HDLBP: variants seen among roughly 807,000 people sequenced by gnomAD.
HDLBP encodes the protein high density lipoprotein binding protein.
Under a neutral mutation model 137.3 loss-of-function variants are expected in HDLBP, and 30 were observed. That is an observed-to-expected ratio of 0.22 (90% CI 0.16 to 0.30). The LOEUF is 0.30. Among genes scored for constraint, HDLBP ranks in the 10% least tolerant of loss-of-function variants. HDLBP has a pLI of 1.00. For missense variants in HDLBP, 1,119 were observed against 1,667.3 expected (o/e 0.67, Z 5.73); for synonymous variants, 606 against 596.0 (o/e 1.02, Z -0.24).
chr2:241,306,299 T>C (rs2075572418), intron 1 of HDLBP, among the ~76,000 whole-genome samples: 1 of 151,732 alleles, frequency 6.6e-6, no homozygotes, highest in Admixed American at 6.6e-5. Context: ...CTTGTTCTTG[T>C]TGCCCTGGCT....
intron 1 of HDLBP, among the ~76,000 whole-genome samples, chr2:241,289,013 G>C (rs898137495): frequency 1.3e-5 from 2 of 152,182 alleles, no homozygotes; most frequent in Non-Finnish European, 2.9e-5. Flanking sequence ...AATTAGCTTA[G>C]CTCATGTTTA....
In HDLBP at chr2:241,238,808, A is replaced by T. The variant is rs747547197; in HGVS notation, c.2611-21T>A. 6.8e-7 allele frequency: 1 copy of T among 1,468,890 alleles called. No homozygotes were observed. The highest frequency in any genetic ancestry group is 2.2e-5 in the Admixed American group (1 of 44,456). 91.0% of individuals were successfully genotyped at this position (1,468,890 alleles called of 1,614,324 possible). A position where few individuals can be genotyped will look rare whatever the true frequency, so the allele number is the denominator to read the frequency against. On this transcript the variant is annotated intron_variant, in intron 19 of 27. Coordinates refer to ENST00000310931, the MANE Select transcript of HDLBP (RefSeq NM_005336.6). This position sits in a 1 kb window ranked among gnomAD's most constrained non-coding sequence, Gnocchi z 4.9. Reference sequence around the variant, plus strand: ...GCTTCCTGGAGGGAGGTACACAAAGAAAAAAGAAAAGAGCAAAGATTAAAT... The same window carrying T: ...GCTTCCTGGAGGGAGGTACACAAAGTAAAAAGAAAAGAGCAAAGATTAAAT...
chr2:241,229,343 TG>T lies in HDLBP; in HGVS notation c.*257del, dbSNP rs1264998110. On this transcript the variant is annotated 3_prime_UTR_variant, in exon 28 of 28. Coordinates refer to ENST00000310931, the MANE Select transcript of HDLBP (RefSeq NM_005336.6). ...CTGACATGCCGGGTGGACCAGGAGC[TG>T]GAGTCTGTTATCTTAGCACGAATGC... The T allele has an allele frequency of 5.0e-6, 2 of 400,468 alleles. No homozygotes were observed. Among genetic ancestry groups the T allele is most frequent in the Non-Finnish European group, 9.3e-6 (2 of 215,538 alleles). 24.8% of individuals were successfully genotyped at this position (400,468 alleles called of 1,614,324 possible). A position where few individuals can be genotyped will look rare whatever the true frequency, so the allele number is the denominator to read the frequency against.
chr2:241,313,917 T>C (rs1409237183), intron 1 of HDLBP, among the ~76,000 whole-genome samples: 1 of 152,192 alleles, frequency 6.6e-6, no homozygotes, highest in Admixed American at 6.5e-5. Flanking sequence ...TGACGTTAAT[T>C]TGACTCCTGA....
In HDLBP at chr2:241,230,838, A is replaced by T; in HGVS notation, c.3395T>A (p.Val1132Asp). 1 of 1,614,186 alleles carries T rather than the reference A, an allele frequency of 6.2e-7. No homozygotes were observed. The highest frequency in any genetic ancestry group is 8.5e-7 in the Non-Finnish European group (1 of 1,180,028). The stretch of plus-strand genomic sequence containing the variant: ...GGCGTGAACGCGGTGGTCCAGCGGG[A>T]CGTCCTCAGAAACCATCTGCTCAAG... ...GELEQMVSED[V>D]PLDHRVHARI... Residue 1132 changes from valine to aspartate, a missense_variant, in exon 25 of 28, where the codon GTC (valine) becomes GAC (aspartate). By Grantham distance (152) the Val-to-Asp change is radical. This residue lies in a region of HDLBP where 618 missense variants were observed against 816.7 expected (regional missense o/e 0.76). Coordinates refer to ENST00000310931, the MANE Select transcript of HDLBP (RefSeq NM_005336.6). The surrounding 1 kb of genome is among the most constrained non-coding windows in gnomAD (Gnocchi z 5.0).
chr2:241,283,089 G>A lies in HDLBP; in HGVS notation c.-102-14548C>T, dbSNP rs114946245. On this transcript the variant is annotated intron_variant, in intron 1 of 27. Transcript: ENST00000310931. Reference sequence around the variant, plus strand: ...TCCAGTGAACACATAAATGGTAAGAGAGCGAAACAGCCTTATCGCTGATAA... The same window carrying A: ...TCCAGTGAACACATAAATGGTAAGAAAGCGAAACAGCCTTATCGCTGATAA... Among the ~76,000 whole-genome samples, 1,193 of 152,334 alleles carry A rather than the reference G, an allele frequency of 7.8e-3. 12 individuals carry two copies. Among genetic ancestry groups the A allele is most frequent in the African/African-American group, 0.027 (1,119 of 41,572 alleles).
rs756565008 is a variant in HDLBP at position 241,253,468 on chromosome 2, G to C, written c.1218C>G (p.Asp406Glu). The C allele has an allele frequency of 6.2e-7, 1 of 1,613,440 alleles. No homozygotes were observed. The highest frequency in any genetic ancestry group is 1.7e-5 in the Admixed American group (1 of 60,022). The part of the protein sequence containing the change: ...KVHIEFTEGE[D>E]KITLEGPTED... ...CTGTAGGGCCCTCCAGGGTGATCTT[G>C]TCTTCGCCCTCTGTGAACTCGATGT... is the stretch of plus-strand genomic sequence containing the variant. Residue 406 changes from aspartate (D) to glutamate (E), a missense_variant, in exon 10 of 28, where the codon GAC becomes GAG. By Grantham distance (45) the Asp-to-Glu change is conservative. Coordinates refer to ENST00000310931, the MANE Select transcript of HDLBP (RefSeq NM_005336.6).
chr2:241,239,318 C>T lies in HDLBP; in HGVS notation c.2610+284G>A, dbSNP rs548954229. The stretch of plus-strand genomic sequence containing the variant: ...CCCTTATACAGAATGCATTTTCTTT[C>T]TTTCTCTTGCTTTCTTTCCTCTCTC... On this transcript the variant is annotated intron_variant, in intron 19 of 27. Transcript: ENST00000310931. This position sits in a 1 kb window ranked among gnomAD's most constrained non-coding sequence, Gnocchi z 4.6. 9.2e-5 allele frequency among the ~76,000 whole-genome samples: 14 copies of T among 152,194 alleles called. No homozygotes were observed. The South Asian group carries it at 1.5e-3, about 16-fold the overall frequency.
chr2:241,247,920 G>A, intron 14 of HDLBP, 83 bp downstream of exon 14: 2 of 931,272 alleles, frequency 2.1e-6, no homozygotes, highest in African/African-American at 1.6e-5. Flanking sequence ...CAGGGGTCCT[G>A]TGGGGGTCAG....
chr2:241,259,663 T>G (rs1458608172), intron 5 of HDLBP, among the ~76,000 whole-genome samples: 1 of 152,174 alleles, frequency 6.6e-6, no homozygotes, highest in Non-Finnish European at 1.5e-5. Context: ...TTTGTAGAGA[T>G]GGGGTCTGAC....
chr2:241,268,358 C>G, intron 2 of HDLBP, 119 bp downstream of exon 2: 1 of 600,516 alleles, frequency 1.7e-6, no homozygotes, highest in South Asian at 7.4e-5. Flanking sequence ...CCACGAGAAA[C>G]TTGAAGGTGT....
At chr2:241,295,905 G>A (rs1358465711) in intron 1 of HDLBP, among the ~76,000 whole-genome samples, 6 of 152,254 alleles carry the variant, frequency 3.9e-5, no homozygotes, top group South Asian at 4.1e-4. Flanking sequence ...AGGGAGTGTG[G>A]CCCTGCCAGA....
At chr2:241,292,080 G>C (rs2075029411) in intron 1 of HDLBP, among the ~76,000 whole-genome samples, 1 of 152,180 alleles carries the variant, frequency 6.6e-6, no homozygotes, top group African/African-American at 2.4e-5. Flanking sequence ...GGTTGATAAA[G>C]AACTCTATAA....
rs1191407192 is a variant in HDLBP at position 241,272,414 on chromosome 2, C to G, written c.-102-3873G>C. The stretch of plus-strand genomic sequence containing the variant: ...CCGTGCGGCCACGGCACCAGGGGTG[C>G]CCCACCGAAGCCCCGGGAGGAGGCG... On this transcript the variant is annotated intron_variant, in intron 1 of 27. Coordinates refer to ENST00000310931, the MANE Select transcript of HDLBP (RefSeq NM_005336.6). The surrounding 1 kb of genome is among the most constrained non-coding windows in gnomAD (Gnocchi z 5.6). 1 of 984,556 alleles carries G rather than the reference C, an allele frequency of 1.0e-6. No individual in the cohort carries two copies. Among genetic ancestry groups the G allele is most frequent in the Admixed American group, 6.2e-5 (1 of 16,210 alleles). 61.0% of individuals were successfully genotyped at this position (984,556 alleles called of 1,614,324 possible).
chr2:241,246,476 C>A, intron 16 of HDLBP: 3 of 374,958 alleles, frequency 8.0e-6, no homozygotes, highest in Non-Finnish European at 1.4e-5. Flanking sequence ...CCGTAAATAC[C>A]TTCAGATAAG....
chr2:241,236,349 C>G lies in HDLBP; in HGVS notation c.2904+266G>C, dbSNP rs1457886359. On this transcript the variant is annotated intron_variant, in intron 21 of 27. Transcript: ENST00000310931. The stretch of plus-strand genomic sequence containing the variant: ...TGAGACCCTTCCACAGCCCCCGCAC[C>G]CACCGTGGGCCTGAGAGGCCGGATC... 3 of 510,636 alleles carry G rather than the reference C, an allele frequency of 5.9e-6. No homozygotes were observed. The East Asian group carries it at 1.0e-4, about 17-fold the overall frequency. The allele number at this position is 510,636 out of a possible 1,614,324, so 31.6% of individuals were successfully genotyped here.
intron 1 of HDLBP, among the ~76,000 whole-genome samples, chr2:241,298,683 A>G (rs552136634): frequency 6.6e-6 from 1 of 152,246 alleles, no homozygotes; most frequent in African/African-American, 2.4e-5. Flanking sequence ...TCAAGCAAGT[A>G]AAGTGCACAT....
chr2:241,238,492 G>T lies in HDLBP; in HGVS notation c.2749+157C>A. On this transcript the variant is annotated intron_variant, in intron 20 of 27. Coordinates refer to ENST00000310931, the MANE Select transcript of HDLBP (RefSeq NM_005336.6). This position sits in a 1 kb window ranked among gnomAD's most constrained non-coding sequence, Gnocchi z 4.9. ...AACTGACGTGGTCCATCTTTTAAAG[G>T]CCAGGGAGTGACCCTGAACCTCTGG... 1 of 545,274 alleles carries T rather than the reference G, an allele frequency of 1.8e-6. No individual in the cohort carries two copies. Among genetic ancestry groups the T allele is most frequent in the South Asian group, 4.3e-5 (1 of 23,196 alleles). 33.8% of individuals were successfully genotyped at this position (545,274 alleles called of 1,614,324 possible).
chr2:241,263,786 GA>G (rs2073399645), intron 4 of HDLBP, among the ~76,000 whole-genome samples: 2 of 152,128 alleles, frequency 1.3e-5, no homozygotes, highest in African/African-American at 4.8e-5. Context: ...TAACCTCTTC[GA>G]GAAAGCAGGA....
Sources: allele counts gnomAD v4.1 joint callset (sites outside exome capture counted in the v4.1 genomes callset), GRCh38; gene constraint gnomAD v4.1.1; regional missense constraint gnomAD v4.1.1; non-coding constraint Gnocchi (gnomAD v3.1); transcripts MANE v1.5; gene names NCBI Gene and HGNC (gene_info 2026-07-23, HGNC 2026-07-21).